The following CNTN4 variants were observed in gnomAD, a reference collection of about 807,000 sequenced individuals.
The protein encoded by CNTN4 is contactin 4.
A neutral mutation model predicts 122.5 loss-of-function variants in CNTN4; 77 were observed. The ratio of observed to expected loss-of-function variants is 0.63; its 90% confidence interval spans 0.52 to 0.76. CNTN4 has a LOEUF of 0.76. Among genes scored for constraint, CNTN4 ranks in the 30% least tolerant of loss-of-function variants. The pLI is 0.00. For missense variants in CNTN4, 1,256 were observed against 1,259.1 expected (o/e 1.00, Z 0.04); for synonymous variants, 512 against 447.0 (o/e 1.15, Z -1.83).
At chr3:2,287,651 A>AGAGGAAGAG in intron 2 of CNTN4, among the ~76,000 whole-genome samples, 1 of 22,556 alleles carries the variant, frequency 4.4e-5, no homozygotes, top group African/African-American at 1.2e-4. Flanking sequence ...AAGAAGAAGA[A>AGAGGAAGAG]GAAGAAGAAG....
At chr3:2,303,434 A>T (rs1307731423) in intron 2 of CNTN4, among the ~76,000 whole-genome samples, 1 of 152,158 alleles carries the variant, frequency 6.6e-6, no homozygotes, top group Non-Finnish European at 1.5e-5. Flanking sequence ...ATTTCATTAA[A>T]TGGAAGCAGG....
At chr3:2,677,197 C>A (rs1329209214) in intron 4 of CNTN4, among the ~76,000 whole-genome samples, 3 of 146,530 alleles carry the variant, frequency 2.0e-5, no homozygotes, top group African/African-American at 5.1e-5. Context: ...AGATATATCT[C>A]TCTCTATATA....
At chr3:2,844,504 A>G (rs1160674967) in intron 7 of CNTN4, among the ~76,000 whole-genome samples, 3 of 152,128 alleles carry the variant, frequency 2.0e-5, no homozygotes, top group African/African-American at 7.2e-5. Context: ...GGACGCCTCG[A>G]TGGAAAAGTT....
At chr3:2,319,013 A>G (rs1010406790) in intron 2 of CNTN4, among the ~76,000 whole-genome samples, 1 of 152,136 alleles carries the variant, frequency 6.6e-6, no homozygotes, top group African/African-American at 2.4e-5. Flanking sequence ...CCAGTTAACT[A>G]ATTCCCTCTT....
chr3:2,537,598 G>T (rs2077861637), intron 3 of CNTN4, among the ~76,000 whole-genome samples: 1 of 152,006 alleles, frequency 6.6e-6, no homozygotes, highest in Admixed American at 6.6e-5. Flanking sequence ...AGCAGAGTAA[G>T]ACACTTCTAA....
chr3:2,629,536 T>C (rs929504193), intron 4 of CNTN4: 8 of 453,370 alleles, frequency 1.8e-5, no homozygotes, highest in African/African-American at 1.4e-4. Context: ...GTTCACAGAC[T>C]GACTTCTGGT....
intron 3 of CNTN4, among the ~76,000 whole-genome samples, chr3:2,521,223 T>C (rs973587301): frequency 1.3e-5 from 2 of 152,122 alleles, no homozygotes; most frequent in Non-Finnish European, 2.9e-5. Context: ...CTAGAATAGC[T>C]GAGTAATTGA....
intron 3 of CNTN4, among the ~76,000 whole-genome samples, chr3:2,556,661 C>CATACAT (rs60495386): frequency 0.11 from 16,213 of 151,858 alleles, 943 homozygotes; most frequent in African/African-American, 0.14. Context: ...CACACACAAA[C>CATACAT]ATATAAAAAT....
chr3:3,049,229 C>G (rs756768597), intron 23 of CNTN4, among the ~76,000 whole-genome samples: 1 of 151,968 alleles, frequency 6.6e-6, no homozygotes, highest in South Asian at 2.1e-4. Context: ...ACTACAGGCG[C>G]CCACCACCAC....
At chr3:3,019,268 C>A (rs1698052677) in intron 14 of CNTN4, among the ~76,000 whole-genome samples, 1 of 151,924 alleles carries the variant, frequency 6.6e-6, no homozygotes, top group Non-Finnish European at 1.5e-5. Flanking sequence ...TCTTTGAATA[C>A]CTCCCCACAA....
intron 2 of CNTN4, among the ~76,000 whole-genome samples, chr3:2,301,083 C>G (rs1469682974): frequency 6.6e-6 from 1 of 152,096 alleles, no homozygotes; most frequent in Non-Finnish European, 1.5e-5. Flanking sequence ...TTCTTTGAAT[C>G]CATTGCAGAC....
intron 2 of CNTN4, among the ~76,000 whole-genome samples, chr3:2,101,356 C>G (rs2031938367): frequency 6.6e-6 from 1 of 152,126 alleles, no homozygotes; most frequent in Non-Finnish European, 1.5e-5. Flanking sequence ...ATGGTACTGA[C>G]TTTTCTACAA....
intron 7 of CNTN4, among the ~76,000 whole-genome samples, chr3:2,830,384 G>A (rs6776496): frequency 0.086 from 13,146 of 152,254 alleles, 1,089 homozygotes; most frequent in East Asian, 0.44. Context: ...CATTAGTACC[G>A]AAAGGAAATA....
chr3:2,196,903 G>C (rs1467992753), intron 2 of CNTN4, among the ~76,000 whole-genome samples: 1 of 151,790 alleles, frequency 6.6e-6, no homozygotes, highest in Non-Finnish European at 1.5e-5. Flanking sequence ...AATTAGCCAG[G>C]CATGGTGGTG....
At chr3:2,943,501 A>G (rs1403831396) in intron 13 of CNTN4, among the ~76,000 whole-genome samples, 3 of 151,790 alleles carry the variant, frequency 2.0e-5, no homozygotes, top group African/African-American at 4.8e-5. Flanking sequence ...TTGATTTAAC[A>G]TCCAGCGTTT....
chr3:2,932,933 T>C (rs145782139), intron 13 of CNTN4, among the ~76,000 whole-genome samples: 4,242 of 152,054 alleles, frequency 0.028, 201 homozygotes, highest in African/African-American at 0.096. Context: ...CATCATTCTC[T>C]TGCCTCAGCC....
intron 3 of CNTN4, among the ~76,000 whole-genome samples, chr3:2,396,358 AT>A (rs2046640099): frequency 6.6e-6 from 1 of 152,190 alleles, no homozygotes; most frequent in Non-Finnish European, 1.5e-5. Context: ...ATAATGAGAC[AT>A]AAGGTAGATT....
intron 3 of CNTN4, among the ~76,000 whole-genome samples, chr3:2,545,861 C>G (rs2078223087): frequency 6.6e-6 from 1 of 151,964 alleles, no homozygotes; most frequent in Admixed American, 6.6e-5. Context: ...AGGACATGAA[C>G]AGACACTTTT....
At chr3:2,874,634 C>A (rs780183855) in intron 8 of CNTN4, among the ~76,000 whole-genome samples, 1 of 152,120 alleles carries the variant, frequency 6.6e-6, no homozygotes, top group Non-Finnish European at 1.5e-5. Flanking sequence ...AGAATTAAAG[C>A]AGATTCACTT....
Sources: allele counts gnomAD v4.1 joint callset (sites outside exome capture counted in the v4.1 genomes callset), GRCh38; gene constraint gnomAD v4.1.1; transcripts MANE v1.5; gene names NCBI Gene and HGNC (gene_info 2026-07-23, HGNC 2026-07-21).